The following ZDHHC6 variants were observed in gnomAD, a reference collection of about 807,000 sequenced individuals.
ZDHHC6 encodes the protein zDHHC palmitoyltransferase 6, also known as palmitoyltransferase ZDHHC6.
A neutral mutation model predicts 57.8 loss-of-function variants in ZDHHC6; 32 were observed. The ratio of observed to expected loss-of-function variants is 0.55; its 90% CI spans 0.42 to 0.74. The LOEUF (loss-of-function observed/expected upper bound fraction) is 0.74. Ranked by LOEUF, ZDHHC6 falls within the 30% of genes least tolerant of loss-of-function variation. The pLI, the probability that ZDHHC6 is intolerant of heterozygous loss-of-function variation, is 0.00. For missense variants in ZDHHC6, 433 were observed against 500.7 expected (o/e 0.86, Z 1.29); for synonymous variants, 128 against 158.0 (o/e 0.81, Z 1.42).
At chr10:112,427,384 C>G (rs940509841), downstream of ZDHHC6, 2 of 1,595,788 alleles carry the variant, frequency 1.3e-6, no homozygotes, top group Non-Finnish European at 1.7e-6. Flanking sequence ...TACCTGCCGG[C>G]CCACTGTGCA....
chr10:112,426,358 A>C, downstream of ZDHHC6: 6 of 1,613,776 alleles, frequency 3.7e-6, no homozygotes, highest in Non-Finnish European at 5.1e-6. Context: ...TGCCAAAACC[A>C]AGTAAGTCTT....
At chr10:112,432,180 T>G in intron 10 of ZDHHC6, 60 bp downstream of exon 10, 1 of 1,515,180 alleles carries the variant, frequency 6.6e-7, no homozygotes, top group Non-Finnish European at 8.9e-7. Flanking sequence ...GTTATTCTTG[T>G]AAAATTTGGA....
At chr10:112,432,327 A>G (rs369545572) in intron 9 of ZDHHC6, 41 bp from the exon 10 acceptor site, 23 of 1,608,494 alleles carry the variant, frequency 1.4e-5, no homozygotes, top group Non-Finnish European at 1.8e-5. Context: ...TTTAGGCTAG[A>G]TATTAATTTT....
rs78862295 is a variant in ZDHHC6 at position 112,444,272 on chromosome 10, C to T, written c.268-666G>A. Among the ~76,000 whole-genome samples the T allele has an allele frequency of 9.2e-3, 1,404 of 152,238 alleles. 14 individuals are homozygous for T. Among genetic ancestry groups the T allele is most frequent in the Non-Finnish European group, 0.013 (869 of 68,012 alleles). ...TCTACTGTTTCTGAATACGTGGTCC[C>T]ACCATTCTTTCAACCTGAAATGCCC... is the stretch of plus-strand genomic sequence containing the variant. On this transcript the variant is annotated intron_variant, in intron 2 of 10. Transcript: ENST00000369405.
At chr10:112,428,123 T>TG, downstream of ZDHHC6, 1 of 277,086 alleles carries the variant, frequency 3.6e-6, no homozygotes. Context: ...CTGGAAGCTG[T>TG]GGGGGAAGGA....
chr10:112,431,540 C>T (rs925295675), intron 10 of ZDHHC6, among the ~76,000 whole-genome samples: 1 of 152,078 alleles, frequency 6.6e-6, no homozygotes, highest in Non-Finnish European at 1.5e-5. Context: ...TCTTGAACTC[C>T]TGACCTCAGG....
At chr10:112,447,095 G>T (rs1463802157), upstream of ZDHHC6, 1 of 457,972 alleles carries the variant, frequency 2.2e-6, no homozygotes, top group Non-Finnish European at 4.1e-6. Context: ...ATTTTCATAC[G>T]CTTTTCTGGG....
intron 4 of ZDHHC6, among the ~76,000 whole-genome samples, chr10:112,441,974 A>T (rs919111825): frequency 7.2e-5 from 11 of 152,250 alleles, no homozygotes; most frequent in Non-Finnish European, 1.6e-4. Context: ...ACCTTCAACT[A>T]CAGCATGTAA....
chr10:112,443,676 A>T (rs1846368344), intron 2 of ZDHHC6, 70 bp from the exon 3 acceptor site: 2 of 1,222,876 alleles, frequency 1.6e-6, no homozygotes, highest in East Asian at 4.9e-5. Context: ...CTACGGTATG[A>T]TTTTCTTTTA....
chr10:112,434,544 T>A, intron 6 of ZDHHC6, 80 bp from the exon 7 acceptor site: 1 of 1,347,418 alleles, frequency 7.4e-7, no homozygotes, highest in Non-Finnish European at 1.0e-6. Flanking sequence ...AACACTTATT[T>A]CTCAAGTTTC....
chr10:112,426,188 A>G, downstream of ZDHHC6: 1 of 1,227,274 alleles, frequency 8.1e-7, no homozygotes, highest in Non-Finnish European at 1.2e-6. Flanking sequence ...ATTCTGCTTT[A>G]TTTAACTACT....
At chr10:112,432,189 GAAT>G in intron 10 of ZDHHC6, 48 bp downstream of exon 10, 1 of 1,537,056 alleles carries the variant, frequency 6.5e-7, no homozygotes, top group Non-Finnish European at 8.7e-7. Context: ...GTAAAATTTG[GAAT>G]TATTGCTAAT....
chr10:112,444,853 CCTCA>C (rs1414178722), intron 2 of ZDHHC6, among the ~76,000 whole-genome samples: 4 of 152,178 alleles, frequency 2.6e-5, no homozygotes, highest in African/African-American at 4.8e-5. Flanking sequence ...TACAGCCAAA[CCTCA>C]CTGTGTATGA....
At chr10:112,447,434 A>G (rs751486263), upstream of ZDHHC6, 40 of 1,613,582 alleles carry the variant, frequency 2.5e-5, no homozygotes, top group Non-Finnish European at 3.0e-5. Flanking sequence ...AGAGATCACC[A>G]GCAAGATTGC....
Position 112,445,224 on chromosome 10 carries a change from AT to A in ZDHHC6, c.212del (p.Asn71IlefsTer52). 1 of 1,614,194 alleles carries A rather than the reference AT, an allele frequency of 6.2e-7. No homozygotes were observed. The highest frequency in any genetic ancestry group is 2.2e-5 in the East Asian group (1 of 44,884). On this transcript the variant is annotated frameshift_variant, in exon 2 of 11. Transcript: ENST00000369405. LOFTEE classifies it high-confidence loss of function. ...LINWTVMILY[N>X]YFNAMFVGPG... Reference sequence around the variant, plus strand: ...GACCGACAAACATGGCATTGAAGTAATTATAAAGAATCATGACAGTCCAATT... The same window carrying A: ...GACCGACAAACATGGCATTGAAGTAATATAAAGAATCATGACAGTCCAATT...
At chr10:112,429,816 C>CAA, downstream of ZDHHC6, among the ~76,000 whole-genome samples, 2 of 152,328 alleles carry the variant, frequency 1.3e-5, no homozygotes, top group South Asian at 4.1e-4. Flanking sequence ...GCTGGCAGCC[C>CAA]AAAGTCCAGA....
Position 112,434,300 on chromosome 10 carries a change from T to C in ZDHHC6, c.900A>G (p.Leu300=). The C allele has an allele frequency of 6.2e-7, 1 of 1,605,726 alleles. No individual in the cohort carries two copies. Among genetic ancestry groups the C allele is most frequent in the Non-Finnish European group, 8.5e-7 (1 of 1,176,408 alleles). ...PVREGCHQYS[L]TIEQLKQKAD... is the part of the protein sequence containing the mutation. Reference sequence around the variant, plus strand: ...CTATTTGAACAAAAATACTCACTGTTAAGCTGTATTGGTGACAGCCTTCTC... The same window carrying C: ...CTATTTGAACAAAAATACTCACTGTCAAGCTGTATTGGTGACAGCCTTCTC... Residue 300 remains leucine (L), a synonymous_variant, in exon 7 of 11, where the codon TTA becomes TTG. Coordinates refer to ENST00000369405, the MANE Select transcript of ZDHHC6 (RefSeq NM_022494.3).
At chr10:112,441,215 G>A (rs2133899221) in intron 4 of ZDHHC6, among the ~76,000 whole-genome samples, 1 of 152,314 alleles carries the variant, frequency 6.6e-6, no homozygotes, top group South Asian at 2.1e-4. Flanking sequence ...TTTCTCAAAT[G>A]TTACTTTTTG....
At chr10:112,425,792 G>A (rs1470985110), downstream of ZDHHC6, among the ~76,000 whole-genome samples, 1 of 152,096 alleles carries the variant, frequency 6.6e-6, no homozygotes, top group Non-Finnish European at 1.5e-5. Context: ...GTTCCTTAAA[G>A]CTATGTTTAA....
Sources: gnomAD v4.1 joint callset for allele counts (sites outside exome capture counted in the v4.1 genomes callset) on GRCh38, gnomAD v4.1.1 for gene constraint, MANE v1.5 for transcripts, NCBI Gene and HGNC (gene_info 2026-07-23, HGNC 2026-07-21) for gene names.